MTFR1: variants seen among roughly 807,000 people sequenced by gnomAD.
The protein encoded by MTFR1 is chondrocyte protein with a poly-proline region.
A neutral mutation model predicts 38.8 loss-of-function variants in MTFR1; 28 were observed. The ratio of observed to expected loss-of-function variants is 0.72; its 90% CI spans 0.53 to 0.99. The LOEUF (loss-of-function observed/expected upper bound fraction) is 0.99. MTFR1 is among the 50% of genes least tolerant of loss of function. MTFR1 has a pLI of 0.00. For synonymous variants in MTFR1, 145 were observed against 137.0 expected, an observed-to-expected ratio of 1.06 and a Z score of -0.41; for missense variants, 358 against 395.5, an observed-to-expected ratio of 0.91 and a Z score of 0.81.
intron 4 of MTFR1, among the ~76,000 whole-genome samples, chr8:65,698,252 G>T (rs190845467): frequency 6.6e-6 from 1 of 150,862 alleles, no homozygotes; most frequent in South Asian, 2.1e-4. Context: ...GGGCTCAAGC[G>T]ATCCTCTCAC....
downstream of MTFR1, among the ~76,000 whole-genome samples, chr8:65,773,288 C>T (rs1366627691): frequency 6.6e-6 from 1 of 152,028 alleles, no homozygotes; most frequent in African/African-American, 2.4e-5. Flanking sequence ...AAAAAAACTC[C>T]TCTAAATTAT....
chr8:65,774,455 C>A (rs930380470), downstream of MTFR1, among the ~76,000 whole-genome samples: 1 of 151,930 alleles, frequency 6.6e-6, no homozygotes, highest in Non-Finnish European at 1.5e-5. Context: ...ATTCTCTGGC[C>A]CTCAGGCTTT....
intron 1 of MTFR1, among the ~76,000 whole-genome samples, chr8:65,656,897 C>T (rs1809284768): frequency 6.6e-6 from 1 of 152,164 alleles, no homozygotes; most frequent in Non-Finnish European, 1.5e-5. Context: ...TCTCCTGCCT[C>T]AGCTTCCCAC....
At chr8:65,687,109 T>G (rs1244375486) in intron 3 of MTFR1, among the ~76,000 whole-genome samples, 1 of 152,274 alleles carries the variant, frequency 6.6e-6, no homozygotes, top group East Asian at 1.9e-4. Context: ...ATTCTAAGTG[T>G]GTTACGTATA....
chr8:65,719,118 T>G (rs1806268543), intron 2 of MTFR1: 1 of 604,696 alleles, frequency 1.7e-6, no homozygotes, highest in South Asian at 2.0e-5. Context: ...GTCTTGCAAT[T>G]AACAAGTGGG....
At chr8:65,695,420 G>A (rs1049191576) in intron 4 of MTFR1, among the ~76,000 whole-genome samples, 3 of 152,010 alleles carry the variant, frequency 2.0e-5, no homozygotes, top group African/African-American at 7.2e-5. Context: ...GCAGTGGTGC[G>A]ATCTGGGCTC....
intron 3 of MTFR1, among the ~76,000 whole-genome samples, chr8:65,766,531 C>T (rs991345335): frequency 3.9e-5 from 6 of 152,162 alleles, no homozygotes; most frequent in African/African-American, 1.4e-4. Flanking sequence ...TGCTTAGGAG[C>T]AAGGGAGCCT....
chr8:65,726,664 CTTTGATA>C (rs977960403), intron 3 of MTFR1, among the ~76,000 whole-genome samples: 2 of 152,112 alleles, frequency 1.3e-5, no homozygotes, highest in Admixed American at 6.6e-5. Context: ...ATGGAATAGT[CTTTGATA>C]AAAATAACTA....
intron 2 of MTFR1, among the ~76,000 whole-genome samples, chr8:65,675,458 G>A (rs1350541148): frequency 6.6e-6 from 1 of 151,846 alleles, no homozygotes; most frequent in Non-Finnish European, 1.5e-5. Context: ...AATTAGCTGG[G>A]CGAGGTGGTG....
chr8:65,739,379 A>T, intron 3 of MTFR1: 1 of 1,107,070 alleles, frequency 9.0e-7, no homozygotes, highest in Non-Finnish European at 1.2e-6. Context: ...GTGTTGTTTT[A>T]AGCCACTAAT....
chr8:65,659,234 AT>A (rs1049789016), intron 1 of MTFR1, among the ~76,000 whole-genome samples: 2 of 151,938 alleles, frequency 1.3e-5, no homozygotes, highest in African/African-American at 4.8e-5. Context: ...TTCTACTACT[AT>A]TTTGATCTTT....
chr8:65,723,561 G>T, intron 3 of MTFR1: 1 of 1,581,594 alleles, frequency 6.3e-7, no homozygotes, highest in Non-Finnish European at 8.6e-7. Flanking sequence ...GTTGGCAATA[G>T]ATTCAGTGTG....
At chr8:65,723,369 AAATGAG>A in intron 3 of MTFR1, 3 of 520,218 alleles carry the variant, frequency 5.8e-6, no homozygotes, top group Non-Finnish European at 8.7e-6. Context: ...TCCTAAAATT[AAATGAG>A]AATTAGAAGA....
chr8:65,702,293 CTTTCTTTTTTT>C (rs1805634938), intron 4 of MTFR1, among the ~76,000 whole-genome samples: 3 of 137,966 alleles, frequency 2.2e-5, no homozygotes, highest in Non-Finnish European at 4.7e-5. Flanking sequence ...TTCTTTCTTT[CTTTCTTTTTTT>C]TTTTTTTTTT....
intron 1 of MTFR1, among the ~76,000 whole-genome samples, chr8:65,655,593 A>G (rs544149482): frequency 6.6e-6 from 1 of 152,224 alleles, no homozygotes; most frequent in African/African-American, 2.4e-5. Flanking sequence ...TTAAGTATCA[A>G]CTGGACTGAT....
rs747187838 is a variant in MTFR1, at chr8:65,708,965, T to G, written c.934-11T>G. ...CCAATATCTTTATTTATACTTTTTGTTTGTTTCTAGTTTGGGCCACACATG... is the reference window on the plus strand; with the variant it reads ...CCAATATCTTTATTTATACTTTTTGGTTGTTTCTAGTTTGGGCCACACATG... On this transcript the variant is annotated splice_polypyrimidine_tract_variant and intron_variant, in intron 7 of 7. Coordinates refer to ENST00000262146, the MANE Select transcript of MTFR1 (RefSeq NM_014637.4). 1.2e-6 allele frequency: 2 copies of G among 1,613,408 alleles called. No homozygotes were observed. The highest frequency in any genetic ancestry group is 3.3e-5 in the Admixed American group (2 of 60,004).
intron 3 of MTFR1, among the ~76,000 whole-genome samples, chr8:65,753,085 T>C (rs1808044473): frequency 6.6e-6 from 1 of 152,246 alleles, no homozygotes; most frequent in Non-Finnish European, 1.5e-5. Flanking sequence ...TTTTGAGTGG[T>C]AGGAAATTTA....
intron 2 of MTFR1, chr8:65,717,527 C>T (rs530777839): frequency 6.6e-6 from 1 of 152,364 alleles, no homozygotes; most frequent in South Asian, 2.1e-4. Flanking sequence ...CTTCTGCTTA[C>T]TCACTTGCAA....
intron 3 of MTFR1, 64 bp downstream of exon 3, chr8:65,682,515 G>T: frequency 1.1e-6 from 1 of 911,208 alleles, no homozygotes. Context: ...AAATAGGCAA[G>T]ATGGTTTTAA....
Sources: allele counts gnomAD v4.1 joint callset (sites outside exome capture counted in the v4.1 genomes callset), GRCh38; gene constraint gnomAD v4.1.1; transcripts MANE v1.5; gene names NCBI Gene and HGNC (gene_info 2026-07-23, HGNC 2026-07-21).